KRT39: variants seen among roughly 807,000 people sequenced by gnomAD.
KRT39 encodes keratin, type I cytoskeletal 39.
Under a neutral mutation model 54.8 loss-of-function variants are expected in KRT39, and 47 were observed. The observed-to-expected ratio is 0.86, with a 90% confidence interval of 0.68 to 1.09. KRT39 has a LOEUF of 1.09. Among genes scored for constraint, KRT39 ranks in the 50% least tolerant of loss-of-function variants. The pLI is 0.00. For synonymous variants in KRT39, 207 were observed against 227.9 expected, an observed-to-expected ratio of 0.91 and a Z score of 0.83; for missense variants, 580 against 598.5, an observed-to-expected ratio of 0.97 and a Z score of 0.32.
Position 40,964,428 on chromosome 17 carries a change from G to A in KRT39, c.551+18C>T, listed in dbSNP as rs186086440. Reference sequence around the variant, plus strand: ...CAGGGTGAGCTCTGTCATTGATGACGGTGTTGGGTGGGCTTACTTGGCTCT... The same window carrying A: ...CAGGGTGAGCTCTGTCATTGATGACAGTGTTGGGTGGGCTTACTTGGCTCT... On this transcript the variant is annotated intron_variant, in intron 2 of 6. Transcript: ENST00000355612. 36 of 1,610,536 alleles carry A rather than the reference G, an allele frequency of 2.2e-5. No homozygotes were observed. The Admixed American group carries it at 3.3e-4, about 15-fold the overall frequency.
chr17:40,965,758 ATC>A (rs1228037977), intron 1 of KRT39, among the ~76,000 whole-genome samples: 16 of 152,212 alleles, frequency 1.1e-4, no homozygotes, highest in African/African-American at 3.9e-4. Flanking sequence ...ATTTTCTCTG[ATC>A]TCTGTTTCCC....
At chr17:40,959,847 T>G (rs1285322694) in intron 6 of KRT39, among the ~76,000 whole-genome samples, 1 of 152,232 alleles carries the variant, frequency 6.6e-6, no homozygotes, top group African/African-American at 2.4e-5. Flanking sequence ...TAGATAGGGT[T>G]AGGGGTTTCA....
In KRT39 at chr17:40,960,696, C is replaced by T; in HGVS notation, c.997-195G>A. ...TGCTAAAATCTGCTTTCCTTTATCT[C>T]TTCCCTCTTTCTCTCTTTCTCTTTT... On this transcript the variant is annotated intron_variant, in intron 5 of 6. Coordinates refer to ENST00000355612, the MANE Select transcript of KRT39 (RefSeq NM_213656.4). The T allele has an allele frequency of 5.1e-6, 3 of 587,860 alleles. No homozygotes were observed. In the South Asian group the frequency reaches 6.4e-5, roughly 13 times the overall value. 36.4% of individuals were successfully genotyped at this position (587,860 alleles called of 1,614,324 possible). A position where few individuals can be genotyped will look rare whatever the true frequency, so the allele number is the denominator to read the frequency against.
rs762322865 is a variant in KRT39, at chr17:40,960,360, C to G, written c.1138G>C (p.Glu380Gln). 2 of 1,614,084 alleles carry G rather than the reference C, an allele frequency of 1.2e-6. No homozygotes were observed. Among genetic ancestry groups the G allele is most frequent in the Non-Finnish European group, 8.5e-7 (1 of 1,180,022 alleles). The change falls in exon 6 of 7, where the codon GAG (glutamate) becomes CAG (glutamine). Residue 380 changes from glutamate to glutamine, a missense_variant. Coordinates refer to ENST00000355612, the MANE Select transcript of KRT39 (RefSeq NM_213656.4). Reference sequence around the variant, plus strand: ...CGGGACTTGACGTCCAGCAGGATCTCGTATTCTTGGTTCTGTCTTTCCAGG... The same window carrying G: ...CGGGACTTGACGTCCAGCAGGATCTGGTATTCTTGGTTCTGTCTTTCCAGG... ...CALERQNQEY[E>Q]ILLDVKSRLE...
At chr17:40,963,193 C>T (rs1429629726) in intron 3 of KRT39, among the ~76,000 whole-genome samples, 2 of 152,146 alleles carry the variant, frequency 1.3e-5, no homozygotes, top group Non-Finnish European at 2.9e-5. Flanking sequence ...GTGTCCCCAC[C>T]CAAATCTCAT....
chr17:40,964,393 C>CAG, intron 2 of KRT39, 53 bp downstream of exon 2: 1 of 1,494,814 alleles, frequency 6.7e-7, no homozygotes, highest in Non-Finnish European at 9.3e-7. Context: ...GAGGGCATCT[C>CAG]GGTCAGACTC....
Position 40,963,617 on chromosome 17 carries a change from T to C in KRT39, c.708+10A>G, listed in dbSNP as rs1911241565. On this transcript the variant is annotated intron_variant, in intron 3 of 6. Transcript: ENST00000355612. ...TTAGCTTGTGATTACTCTATTGGTC[T>C]TTGTCTCACCTCTTTGTGGTTGTTC... The C allele has an allele frequency of 1.3e-6, 2 of 1,594,454 alleles. No homozygotes were observed. Among genetic ancestry groups the C allele is most frequent in the Middle Eastern group, 1.7e-4 (1 of 5,996 alleles).
chr17:40,966,057 TTGTGTGTGTATGTG>T (rs1911378341), intron 1 of KRT39, among the ~76,000 whole-genome samples: 1 of 135,688 alleles, frequency 7.4e-6, no homozygotes, highest in Admixed American at 7.7e-5. Flanking sequence ...TAATTTTTTT[TTGTGTGTGTATGTG>T]TGTGTGTGTG....
Position 40,962,157 on chromosome 17 carries a change from A to G in KRT39, c.996+5T>C. On this transcript the variant is annotated splice_donor_5th_base_variant and intron_variant, in intron 5 of 6. Coordinates refer to ENST00000355612, the MANE Select transcript of KRT39 (RefSeq NM_213656.4). ...TGAGCTAGGCTTGGTCAGCTTGCTC[A>G]GTACCATTCGATGCTGGGCCTGCAG... is the stretch of plus-strand genomic sequence containing the variant. 1 of 1,614,046 alleles carries G rather than the reference A, an allele frequency of 6.2e-7. No individual in the cohort carries two copies. The highest frequency in any genetic ancestry group is 8.5e-7 in the Non-Finnish European group (1 of 1,179,946).
rs757695343 is a variant in KRT39 at position 40,963,610 on chromosome 17, A to T, written c.708+17T>A. ...TAGGGACTTAGCTTGTGATTACTCTATTGGTCTTTGTCTCACCTCTTTGTG... is the reference window on the plus strand; with the variant it reads ...TAGGGACTTAGCTTGTGATTACTCTTTTGGTCTTTGTCTCACCTCTTTGTG... On this transcript the variant is annotated intron_variant, in intron 3 of 6. Transcript: ENST00000355612. 2 of 1,586,118 alleles carry T rather than the reference A, an allele frequency of 1.3e-6. No individual in the cohort carries two copies. The highest frequency in any genetic ancestry group is 1.7e-6 in the Non-Finnish European group (2 of 1,158,364).
rs1911244002 is a variant in KRT39, at chr17:40,963,651, A to G, written c.684T>C (p.Leu228=). 1.9e-6 allele frequency: 3 copies of G among 1,607,850 alleles called. No homozygotes were observed. Among genetic ancestry groups the G allele is most frequent in the Admixed American group, 1.7e-5 (1 of 59,898 alleles). The stretch of plus-strand genomic sequence containing the variant: ...CCTCTTTGTGGTTGTTCTTGAGGCA[A>G]AGGAGCTCCTCTTTCAGAGACTGGA... The part of the protein sequence containing the change: ...AQVQSLKEEL[L]CLKNNHKEEI... The change falls in exon 3 of 7, where the codon CTT becomes CTC. Residue 228 remains leucine (L), a synonymous_variant. Transcript: ENST00000355612.
intron 6 of KRT39, among the ~76,000 whole-genome samples, chr17:40,960,080 A>G (rs1246913696): frequency 6.6e-6 from 1 of 152,190 alleles, no homozygotes; most frequent in Non-Finnish European, 1.5e-5. Context: ...AGGTCAGCCA[A>G]TGCCTCAAAT....
chr17:40,963,239 G>C (rs980605215), intron 3 of KRT39, among the ~76,000 whole-genome samples: 6 of 152,180 alleles, frequency 3.9e-5, no homozygotes, highest in Non-Finnish European at 5.9e-5. Flanking sequence ...CATGTGTCAA[G>C]GGAGGGACCT....
At chr17:40,963,804 AAGAG>A in intron 2 of KRT39, 21 bp from the exon 3 acceptor site, 1 of 1,561,018 alleles carries the variant, frequency 6.4e-7, no homozygotes, top group South Asian at 1.2e-5. Context: ...CAGATGGGAA[AAGAG>A]AGACATCTGA....
At chr17:40,965,396 A>C (rs1319117929) in intron 1 of KRT39, among the ~76,000 whole-genome samples, 2 of 152,070 alleles carry the variant, frequency 1.3e-5, no homozygotes, top group African/African-American at 4.8e-5. Context: ...AAATAAATAA[A>C]TAAAAAATAA....
At chr17:40,965,942 G>C (rs1007536868) in intron 1 of KRT39, among the ~76,000 whole-genome samples, 2 of 152,130 alleles carry the variant, frequency 1.3e-5, no homozygotes, top group African/African-American at 4.8e-5. Flanking sequence ...GAGTGCAGTG[G>C]CAGGATCTTG....
At chr17:40,962,641 C>T (rs71212955) in intron 3 of KRT39, 78 bp from the exon 4 acceptor site, 19,658 of 1,250,902 alleles carry the variant, frequency 0.016, 389 homozygotes, top group East Asian at 0.07. Flanking sequence ...CTAACTGCTA[C>T]GATTTAGCTT....
rs1181199831 is a variant in KRT39, at chr17:40,960,389, C to T, written c.1109G>A (p.Cys370Tyr). 2 of 1,613,998 alleles carry T rather than the reference C, an allele frequency of 1.2e-6. No homozygotes were observed. Among genetic ancestry groups the T allele is most frequent in the African/African-American group, 1.3e-5 (1 of 74,910 alleles). The change falls in exon 6 of 7, where the codon TGT becomes TAT. Residue 370 changes from cysteine (C) to tyrosine (Y), a missense_variant. Coordinates refer to ENST00000355612, the MANE Select transcript of KRT39 (RefSeq NM_213656.4). The part of the protein sequence containing the change: ...NLEAQLAEIR[C>Y]ALERQNQEYE... The stretch of plus-strand genomic sequence containing the variant: ...TTCTTGGTTCTGTCTTTCCAGGGCA[C>T]ACCGGATCTCTGCCAGCTGAGCTTC...
rs376254389 is a variant in KRT39 at position 40,958,597 on chromosome 17, G to T, written c.*4C>A. 8.2e-5 allele frequency: 132 copies of T among 1,600,236 alleles called. 2 individuals are homozygous for T. The highest frequency in any genetic ancestry group is 5.4e-4 in the East Asian group (24 of 44,760). On this transcript the variant is annotated 3_prime_UTR_variant, in exon 7 of 7. Coordinates refer to ENST00000355612, the MANE Select transcript of KRT39 (RefSeq NM_213656.4). ...ATGTGGGTCATTTTCATCACCTTGG[G>T]ATGTTAGACTTTGGCAGGTCTGATG...
Sources: gnomAD v4.1 joint callset for allele counts (sites outside exome capture counted in the v4.1 genomes callset) on GRCh38, gnomAD v4.1.1 for gene constraint, MANE v1.5 for transcripts, NCBI Gene and HGNC (gene_info 2026-07-23, HGNC 2026-07-21) for gene names.